The following MCF2L variants were observed in gnomAD, a reference collection of about 807,000 sequenced individuals.
MCF2L encodes the protein MCF.2 cell line derived transforming sequence like, also known as guanine nucleotide exchange factor DBS.
Under a neutral mutation model 153.4 loss-of-function variants are expected in MCF2L, and 97 were observed. The ratio of observed to expected loss-of-function variants is 0.63; its 90% CI spans 0.54 to 0.75. The LOEUF is 0.75. Ranked by LOEUF, MCF2L falls within the 30% of genes least tolerant of loss-of-function variation. MCF2L has a pLI of 0.00. For synonymous variants in MCF2L, 659 were observed against 632.2 expected, an observed-to-expected ratio of 1.04 and a Z score of -0.64; for missense variants, 1,347 against 1,495.2, an observed-to-expected ratio of 0.90 and a Z score of 1.64.
chr13:113,096,910 G>C lies in MCF2L; in HGVS notation c.*51G>C. The stretch of plus-strand genomic sequence containing the variant: ...GCGCTGTCTGGGGCTGCGGTGGCGT[G>C]GGGAGGGCGCGGCCCCCGGACGCCC... On this transcript the variant is annotated 3_prime_UTR_variant, in exon 30 of 30. Coordinates refer to ENST00000535094, the MANE Select transcript of MCF2L (RefSeq NM_001112732.3). 6.4e-6 allele frequency: 8 copies of C among 1,250,680 alleles called. No individual in the cohort carries two copies. The highest frequency in any genetic ancestry group is 8.2e-6 in the Non-Finnish European group (8 of 978,708). 77.5% of individuals were successfully genotyped at this position (1,250,680 alleles called of 1,614,324 possible).
intron 2 of MCF2L, among the ~76,000 whole-genome samples, chr13:112,938,457 T>G (rs182913276): frequency 2.8e-3 from 428 of 152,232 alleles, no homozygotes; most frequent in African/African-American, 9.7e-3. Context: ...ATAGGCCCAG[T>G]TGGGCACTCC....
intron 21 of MCF2L, 77 bp from the exon 22 acceptor site, chr13:113,087,158 T>C: frequency 7.7e-7 from 1 of 1,291,474 alleles, no homozygotes. Context: ...GCAGAGTGGC[T>C]GCTTTCACTC....
intron 2 of MCF2L, among the ~76,000 whole-genome samples, chr13:112,935,251 T>A (rs1299918860): frequency 6.6e-6 from 1 of 152,198 alleles, no homozygotes; most frequent in Non-Finnish European, 1.5e-5. Flanking sequence ...ATAAATTACA[T>A]GAGATATTCC....
chr13:113,066,135 C>T lies in MCF2L; in HGVS notation c.846C>T (p.Asn282=). The T allele has an allele frequency of 6.2e-7, 1 of 1,613,016 alleles. No individual in the cohort carries two copies. The highest frequency in any genetic ancestry group is 8.5e-7 in the Non-Finnish European group (1 of 1,179,904). ...LQAEGSEPSV[N]QDQLDNQATV... is the part of the protein sequence containing the mutation. ...CTGAGGGCTCAGAGCCCAGTGTGAA[C>T]CAGGACCAGCTTGACAACCAGGCCA... Residue 282 remains asparagine, a synonymous_variant, in exon 8 of 30, where the codon AAC becomes AAT. Coordinates refer to ENST00000535094, the MANE Select transcript of MCF2L (RefSeq NM_001112732.3).
At position 113,091,354 on chromosome 13, in the gene MCF2L, T is replaced by C. The variant is rs145728164; in HGVS notation, c.2953+1626T>C. 9.5e-3 allele frequency among the ~76,000 whole-genome samples: 1,440 copies of C among 152,342 alleles called. 25 individuals are homozygous for C. The highest frequency in any genetic ancestry group is 0.033 in the African/African-American group (1,374 of 41,576). ...CGGTTGTGTTCAATGTGTGATGCTC[T>C]GGTGACAGGTCCTCGAGGACAGCAC... is the stretch of plus-strand genomic sequence containing the variant. On this transcript the variant is annotated intron_variant, in intron 26 of 29. Coordinates refer to ENST00000535094, the MANE Select transcript of MCF2L (RefSeq NM_001112732.3).
intron 2 of MCF2L, among the ~76,000 whole-genome samples, chr13:112,929,713 G>A (rs529318663): frequency 4.2e-4 from 64 of 152,306 alleles, no homozygotes; most frequent in African/African-American, 1.4e-3. Context: ...CTCCGGCCTC[G>A]GGTTCCTCTT....
At chr13:113,019,028 C>G (rs2084711991) in intron 2 of MCF2L, among the ~76,000 whole-genome samples, 1 of 152,238 alleles carries the variant, frequency 6.6e-6, no homozygotes, top group African/African-American at 2.4e-5. Flanking sequence ...CTGGCCTGTG[C>G]TCTCCTCCCG....
Position 113,045,281 on chromosome 13 carries a change from G to A in MCF2L, c.289G>A (p.Ala97Thr), listed in dbSNP as rs369434363. The A allele has an allele frequency of 6.1e-5, 98 of 1,613,818 alleles. No homozygotes were observed. Among genetic ancestry groups the A allele is most frequent in the South Asian group, 5.4e-4 (49 of 91,088 alleles). Residue 97 changes from alanine to threonine, a missense_variant, in exon 4 of 30, where the codon GCT becomes ACT. Transcript: ENST00000535094. The surrounding 1 kb of genome is among the most constrained non-coding windows in gnomAD (Gnocchi z 4.2). ...TCTTCCTCACTGCAGCCTGCAGGAC[G>A]CTGGCATCGGATTCATCCTGGTGAT... ...YLTSIPSLQD[A>T]GIGFILVIDR...
intron 4 of MCF2L, 150 bp from the exon 5 acceptor site, chr13:113,060,443 C>T: frequency 4.9e-6 from 4 of 820,276 alleles, no homozygotes; most frequent in Non-Finnish European, 7.6e-6. Context: ...AGCATCTCTA[C>T]CATGTTTATC....
rs1178918777 is a variant in MCF2L, at chr13:112,969,489, G to A, written c.79+31G>A. The A allele has an allele frequency of 1.9e-6, 3 of 1,549,922 alleles. No individual in the cohort carries two copies. The Admixed American group carries it at 5.9e-5, about 30-fold the overall frequency. Reference sequence around the variant, plus strand: ...AGGAGCTGCTGGCCGTCAGTGATCTGTGCTTAAGCTTGACATCATGGGCTG... The same window carrying A: ...AGGAGCTGCTGGCCGTCAGTGATCTATGCTTAAGCTTGACATCATGGGCTG... On this transcript the variant is annotated intron_variant, in intron 1 of 29. Transcript: ENST00000535094. This position sits in a 1 kb window ranked among gnomAD's most constrained non-coding sequence, Gnocchi z 4.8.
intron 3 of MCF2L, among the ~76,000 whole-genome samples, chr13:113,038,051 G>A (rs2086254353): frequency 6.6e-6 from 1 of 152,006 alleles, no homozygotes; most frequent in Non-Finnish European, 1.5e-5. Context: ...ATGTACAATT[G>A]GAAAATGAAA....
chr13:112,998,715 G>T (rs912032830), intron 1 of MCF2L, among the ~76,000 whole-genome samples: 19 of 152,198 alleles, frequency 1.2e-4, no homozygotes, highest in South Asian at 2.1e-4. Context: ...CCGATTGGAG[G>T]CCTCTGCTGT....
chr13:112,960,115 TG>T lies in MCF2L; in HGVS notation c.170-54647del, dbSNP rs2140749513. ...GGCTGTGTCTTTGTCTGTTTTCTGC[TG>T]CTATAACAGAGTATCACAGATTGGG... On this transcript the variant is annotated intron_variant, in intron 2 of 29. Coordinates refer to the MCF2L transcript ENST00000375608. This position sits in a 1 kb window ranked among gnomAD's most constrained non-coding sequence, Gnocchi z 4.2. Among the ~76,000 whole-genome samples the T allele has an allele frequency of 6.6e-6, 1 of 152,352 alleles. No individual in the cohort carries two copies. The highest frequency in any genetic ancestry group is 1.5e-5 in the Non-Finnish European group (1 of 68,042).
chr13:112,993,117 C>T lies in MCF2L; in HGVS notation c.80-21646C>T, dbSNP rs576701859. Among the ~76,000 whole-genome samples, 4 of 152,344 alleles carry T rather than the reference C, an allele frequency of 2.6e-5. No homozygotes were observed. The East Asian group carries it at 5.8e-4, about 22-fold the overall frequency. ...GGCTTTTAAGCCAGAGATTACCACG[C>T]GCTGCCGCGGAGGGAGAGGTAGCGC... On this transcript the variant is annotated intron_variant, in intron 1 of 29. Transcript: ENST00000535094. This position sits in a 1 kb window ranked among gnomAD's most constrained non-coding sequence, Gnocchi z 4.6.
At chr13:112,978,607 C>T (rs574437469) in intron 1 of MCF2L, among the ~76,000 whole-genome samples, 5 of 152,326 alleles carry the variant, frequency 3.3e-5, no homozygotes, top group East Asian at 1.9e-4. Context: ...ACCCTCCATA[C>T]GTTCTGGGAG....
intron 3 of MCF2L, among the ~76,000 whole-genome samples, chr13:113,032,829 A>G (rs2993317): frequency 0.24 from 37,087 of 152,148 alleles, 4,866 homozygotes; most frequent in East Asian, 0.49. Context: ...CTTGGCCTCC[A>G]AAGTGCTGGG....
chr13:113,005,831 C>T (rs1478924015), intron 1 of MCF2L, among the ~76,000 whole-genome samples: 1 of 152,190 alleles, frequency 6.6e-6, no homozygotes, highest in Non-Finnish European at 1.5e-5. Context: ...ATCAAAACAG[C>T]ACGTGTGCGC....
At chr13:113,034,624 G>T (rs544899862) in intron 3 of MCF2L, among the ~76,000 whole-genome samples, 1 of 149,038 alleles carries the variant, frequency 6.7e-6, no homozygotes, top group East Asian at 2.0e-4. Flanking sequence ...TCTCACCCTC[G>T]CCCTGGTCTC....
chr13:112,948,566 A>T (rs570778580), intron 2 of MCF2L, among the ~76,000 whole-genome samples: 3 of 152,352 alleles, frequency 2.0e-5, no homozygotes, highest in African/African-American at 4.8e-5. Flanking sequence ...AAAATACAGC[A>T]TATCAAAATT....
Sources: allele counts gnomAD v4.1 joint callset (sites outside exome capture counted in the v4.1 genomes callset), GRCh38; gene constraint gnomAD v4.1.1; non-coding constraint Gnocchi (gnomAD v3.1); transcripts MANE v1.5; gene names NCBI Gene and HGNC (gene_info 2026-07-23, HGNC 2026-07-21).